The following PRELID2 variants were observed in gnomAD, a reference collection of about 807,000 sequenced individuals.
PRELID2 encodes the protein PRELI domain-containing protein 2.
In PRELID2, 25 loss-of-function variants were observed where a neutral mutation model predicts 28.4. The observed-to-expected ratio is 0.88, with a 90% CI of 0.64 to 1.23. The LOEUF is 1.23. Among genes scored for constraint, PRELID2 ranks in the 50% most tolerant of loss-of-function variants. The pLI, the probability that PRELID2 is intolerant of heterozygous loss-of-function variation, is 0.00. For missense variants in PRELID2, 201 were observed against 214.4 expected (o/e 0.94, Z 0.39); for synonymous variants, 76 against 71.6 (o/e 1.06, Z -0.31).
the PRELID2 span, among the ~76,000 whole-genome samples, chr5:145,449,842 C>T: frequency 2.6e-5 from 4 of 152,088 alleles, no homozygotes; most frequent in Non-Finnish European, 5.9e-5. Context: ...AGGGTAAGGA[C>T]TGGGTTTTCT....
the PRELID2 span, among the ~76,000 whole-genome samples, chr5:145,296,318 T>G: frequency 6.6e-6 from 1 of 151,492 alleles, no homozygotes; most frequent in Non-Finnish European, 1.5e-5. Flanking sequence ...ATTAGGTATA[T>G]CTCCTAAAGC....
At chr5:145,428,447 CT>C in the PRELID2 span, among the ~76,000 whole-genome samples, 2 of 152,092 alleles carry the variant, frequency 1.3e-5, no homozygotes, top group African/African-American at 4.8e-5. Context: ...CTGTTCCTGC[CT>C]GCCTGAAATT....
the PRELID2 span, among the ~76,000 whole-genome samples, chr5:145,271,338 C>T: frequency 6.6e-6 from 1 of 152,056 alleles, no homozygotes; most frequent in East Asian, 1.9e-4. Context: ...GATTCTTCCA[C>T]CTCAGCCACC....
chr5:145,726,267 GA>G (rs1246625140), intron 1 of PRELID2, among the ~76,000 whole-genome samples: 5 of 133,260 alleles, frequency 3.8e-5, no homozygotes, highest in South Asian at 2.6e-4. Flanking sequence ...GACGGAGGGG[GA>G]AAGAGAGAAA....
intron 1 of PRELID2, among the ~76,000 whole-genome samples, chr5:145,494,179 T>C (rs1437045032): frequency 6.6e-6 from 1 of 152,192 alleles, no homozygotes. Context: ...CATTAGCAGA[T>C]GGCAGAACAA....
At chr5:145,504,983 C>T (rs775870367) in intron 1 of PRELID2, among the ~76,000 whole-genome samples, 4 of 152,072 alleles carry the variant, frequency 2.6e-5, no homozygotes, top group Non-Finnish European at 5.9e-5. Context: ...CCCTAACTGG[C>T]CTCTGTCTTC....
At chr5:145,469,405 C>T (rs1373623208), downstream of PRELID2, among the ~76,000 whole-genome samples, 1 of 152,042 alleles carries the variant, frequency 6.6e-6, no homozygotes, top group Admixed American at 6.6e-5. Context: ...ATGTTTGTTT[C>T]TACCATCAGA....
chr5:145,611,725 A>C (rs1313616839), intron 1 of PRELID2, among the ~76,000 whole-genome samples: 1 of 152,348 alleles, frequency 6.6e-6, no homozygotes, highest in Admixed American at 6.5e-5. Context: ...CTATAATTTC[A>C]AAACAATCCC....
At position 145,787,904 on chromosome 5, in the gene PRELID2, A is replaced by C. The variant is rs76820546; in HGVS notation, c.474+8538T>G. ...ATATGAACAAATAATCAGTCTATCTATGGTCTTAAAATTTCATGGTGAAAA... is the reference window on the plus strand; with the variant it reads ...ATATGAACAAATAATCAGTCTATCTCTGGTCTTAAAATTTCATGGTGAAAA... On this transcript the variant is annotated intron_variant, in intron 5 of 6. Transcript: ENST00000683046. Among the ~76,000 whole-genome samples the C allele has an allele frequency of 2.0e-5, 3 of 152,278 alleles. No individual in the cohort carries two copies. The South Asian group carries it at 6.2e-4, about 32-fold the overall frequency.
At chr5:145,618,930 C>G (rs1276087978) in intron 1 of PRELID2, among the ~76,000 whole-genome samples, 1 of 152,040 alleles carries the variant, frequency 6.6e-6, no homozygotes, top group Non-Finnish European at 1.5e-5. Flanking sequence ...ACGGCCACCT[C>G]TGCTGAGTCA....
At chr5:145,325,487 T>G in the PRELID2 span, among the ~76,000 whole-genome samples, 1 of 152,184 alleles carries the variant, frequency 6.6e-6, no homozygotes. Flanking sequence ...CAAAAGTAAT[T>G]TTTAGTTGTG....
At chr5:145,653,394 T>G (rs1754334180) in intron 1 of PRELID2, among the ~76,000 whole-genome samples, 2 of 152,114 alleles carry the variant, frequency 1.3e-5, no homozygotes. Context: ...TCTGCACCAG[T>G]GGACCTAATA....
At chr5:145,265,784 A>T in the PRELID2 span, among the ~76,000 whole-genome samples, 1 of 152,132 alleles carries the variant, frequency 6.6e-6, no homozygotes, top group Non-Finnish European at 1.5e-5. Context: ...CTGGATTATC[A>T]TCTCTCACAT....
intron 1 of PRELID2, among the ~76,000 whole-genome samples, chr5:145,731,891 C>T (rs1756357901): frequency 6.6e-6 from 1 of 152,146 alleles, no homozygotes; most frequent in Admixed American, 6.6e-5. Flanking sequence ...TGAATTATCT[C>T]CTAGAGTACA....
chr5:145,421,028 A>T, the PRELID2 span, among the ~76,000 whole-genome samples: 1 of 147,126 alleles, frequency 6.8e-6, no homozygotes, highest in Non-Finnish European at 1.5e-5. Flanking sequence ...TATATGCTGG[A>T]TTACATTTAT....
At chr5:145,827,916 TA>T in intron 1 of PRELID2, among the ~76,000 whole-genome samples, 1 of 152,204 alleles carries the variant, frequency 6.6e-6, no homozygotes, top group Non-Finnish European at 1.5e-5. Flanking sequence ...ATAGGTTAGT[TA>T]ATAGCATTGT....
At chr5:145,389,056 A>C in the PRELID2 span, among the ~76,000 whole-genome samples, 21 of 152,196 alleles carry the variant, frequency 1.4e-4, no homozygotes, top group Non-Finnish European at 2.5e-4. Flanking sequence ...TGCTTGATAA[A>C]TATTTACCAA....
intron 1 of PRELID2, among the ~76,000 whole-genome samples, chr5:145,652,970 G>A (rs1436749747): frequency 1.3e-5 from 2 of 152,192 alleles, no homozygotes; most frequent in Non-Finnish European, 1.5e-5. Flanking sequence ...TGGATAAAGA[G>A]TCAAGACCCA....
At position 145,560,500 on chromosome 5, in the gene PRELID2, C is replaced by T. The variant is rs141456517; in HGVS notation, n.71-87185G>A. ...TAAGTAATTTATCCTTAATATCACA[C>T]GTGCTGCTGACCCACTATTACCTGA... On this transcript the variant is annotated intron_variant and non_coding_transcript_variant, in intron 1 of 2. Transcript: ENST00000510259. 9.2e-5 allele frequency among the ~76,000 whole-genome samples: 14 copies of T among 152,300 alleles called. No individual in the cohort carries two copies. The East Asian group carries it at 1.2e-3, about 13-fold the overall frequency.
Sources: gnomAD v4.1 joint callset for allele counts (sites outside exome capture counted in the v4.1 genomes callset) on GRCh38, gnomAD v4.1.1 for gene constraint, MANE v1.5 for transcripts, NCBI Gene and HGNC (gene_info 2026-07-23, HGNC 2026-07-21) for gene names.